Variants in SLC25A3 observed in about 807,000 individuals in gnomAD.
The protein encoded by SLC25A3 is phosphate transport protein.
In SLC25A3, 14 loss-of-function variants were observed where a neutral mutation model predicts 37.1. The observed-to-expected ratio is 0.38, with a 90% CI of 0.25 to 0.59. SLC25A3 has a LOEUF of 0.59. Ranked by LOEUF, SLC25A3 falls within the 20% of genes least tolerant of loss-of-function variation. The probability of loss-of-function intolerance (pLI) is 0.67; values close to 1 mark genes in which losing one functional copy is unlikely to be tolerated. For synonymous variants in SLC25A3, 161 were observed against 168.7 expected (o/e 0.95, Z 0.36); for missense variants, 385 against 458.1 (o/e 0.84, Z 1.46).
intron 4 of SLC25A3, 115 bp downstream of exon 4, chr12:98,598,150 G>T: frequency 2.0e-6 from 2 of 1,010,064 alleles, no homozygotes; most frequent in South Asian, 1.4e-5. Context: ...CCTACAAAGT[G>T]AGCAACTTGT....
At position 98,606,205 on chromosome 12, in the gene SLC25A3, T is replaced by C. The variant is rs2097601125; in HGVS notation, c.*4677T>C. 6.6e-6 allele frequency: 1 copy of C among 152,208 alleles called. No homozygotes were observed. The highest frequency in any genetic ancestry group is 2.4e-5 in the African/African-American group (1 of 41,458). The allele number at this position is 152,208 out of a possible 1,614,324, so 9.4% of individuals were successfully genotyped here. A position where few individuals can be genotyped will look rare whatever the true frequency, so the allele number is the denominator to read the frequency against. ...AAGTAATTGTAAAAAATCCTGGATA[T>C]CACATAGTTGAGAAACAAAGTTATT... On this transcript the variant is annotated 3_prime_UTR_variant, in exon 8 of 8. Transcript: ENST00000552981.
chr12:98,594,565 C>T lies in SLC25A3; in HGVS notation c.157+430C>T, dbSNP rs1470220926. 1.7e-5 allele frequency: 10 copies of T among 583,976 alleles called. No individual in the cohort carries two copies. In the East Asian group the frequency reaches 2.8e-4, roughly 17 times the overall value. 36.2% of individuals were successfully genotyped at this position (583,976 alleles called of 1,614,324 possible). ...GTCCTTTCCTAAGTTTTATATTTGT[C>T]GACGCCAGGTCAGTCATTTTTGCAC... On this transcript the variant is annotated intron_variant, in intron 2 of 7. Coordinates refer to ENST00000552981, the MANE Select transcript of SLC25A3 (RefSeq NM_002635.4).
rs11833846 is a variant in SLC25A3 at position 98,604,578 on chromosome 12, C to T, written c.*3050C>T. ...ACAGCCTTGAACTCCTGGGCTCAAGCGATCCTCCTGCCTCAGCCTCCCAGT... is the reference window on the plus strand; with the variant it reads ...ACAGCCTTGAACTCCTGGGCTCAAGTGATCCTCCTGCCTCAGCCTCCCAGT... On this transcript the variant is annotated 3_prime_UTR_variant, in exon 8 of 8. Transcript: ENST00000552981. The T allele has an allele frequency of 0.029, 4,371 of 151,512 alleles. 203 individuals carry two copies. Among genetic ancestry groups the T allele is most frequent in the African/African-American group, 0.098 (4,032 of 41,170 alleles). The allele number at this position is 151,512 out of a possible 1,614,324, so 9.4% of individuals were successfully genotyped here. A position where few individuals can be genotyped will look rare whatever the true frequency, so the allele number is the denominator to read the frequency against.
chr12:98,604,099 C>G lies in SLC25A3; in HGVS notation c.*2571C>G, dbSNP rs1476205974. On this transcript the variant is annotated 3_prime_UTR_variant, in exon 8 of 8. Coordinates refer to ENST00000552981, the MANE Select transcript of SLC25A3 (RefSeq NM_002635.4). Reference sequence around the variant, plus strand: ...AGAAACCCTGTCTCTACTAAAAATACAAAATTAGCTGCGGTGGTGGTGCGT... The same window carrying G: ...AGAAACCCTGTCTCTACTAAAAATAGAAAATTAGCTGCGGTGGTGGTGCGT... The G allele has an allele frequency of 3.3e-5, 5 of 151,680 alleles. No individual in the cohort carries two copies. Among genetic ancestry groups the G allele is most frequent in the Non-Finnish European group, 5.9e-5 (4 of 67,940 alleles). 9.4% of individuals were successfully genotyped at this position (151,680 alleles called of 1,614,324 possible). A position where few individuals can be genotyped will look rare whatever the true frequency, so the allele number is the denominator to read the frequency against.
chr12:98,600,967 G>A (rs895254575), intron 6 of SLC25A3: 2 of 521,620 alleles, frequency 3.8e-6, no homozygotes, highest in African/African-American at 1.9e-5. Flanking sequence ...TATACAGAAA[G>A]TGTTGAATAA....
At chr12:98,595,304 A>G in intron 2 of SLC25A3, 1 of 988,468 alleles carries the variant, frequency 1.0e-6, no homozygotes, top group East Asian at 2.4e-5. Context: ...TTTTTAAGCC[A>G]CTTAATTGTG....
At position 98,598,563 on chromosome 12, in the gene SLC25A3, C is replaced by T. The variant is rs1352337833; in HGVS notation, c.501C>T (p.Ala167=). 6.2e-7 allele frequency: 1 copy of T among 1,613,576 alleles called. No individual in the cohort carries two copies. The highest frequency in any genetic ancestry group is 2.2e-5 in the East Asian group (1 of 44,880). The change falls in exon 5 of 8, where the codon GCC becomes GCT. Residue 167 remains alanine, a synonymous_variant. Coordinates refer to ENST00000552981, the MANE Select transcript of SLC25A3 (RefSeq NM_002635.4). ...YLWRTSLYLA[A]SASAEFFADI... The stretch of plus-strand genomic sequence containing the variant: ...GGCGCACATCACTATATTTGGCTGC[C>T]TCTGCCAGTGCTGAATTCTTTGCTG...
At chr12:98,593,854 G>GC (rs2097590514) in intron 1 of SLC25A3, 114 bp downstream of exon 1, 7 of 1,158,622 alleles carry the variant, frequency 6.0e-6, no homozygotes, top group Non-Finnish European at 8.8e-6. Flanking sequence ...TTCGAAGGCC[G>GC]CCGTGACCTC....
In SLC25A3 at chr12:98,599,062, C is replaced by CTT. The variant is rs572119358; in HGVS notation, c.641+370_641+371dup. 1.3e-4 allele frequency among the ~76,000 whole-genome samples: 18 copies of CTT among 133,974 alleles called. No individual in the cohort carries two copies. The South Asian group carries it at 2.1e-3, about 16-fold the overall frequency. 87.9% of individuals were successfully genotyped at this position (133,974 alleles called of 152,430 possible). A position where few individuals can be genotyped will look rare whatever the true frequency, so the allele number is the denominator to read the frequency against. On this transcript the variant is annotated intron_variant, in intron 5 of 7. Coordinates refer to ENST00000552981, the MANE Select transcript of SLC25A3 (RefSeq NM_002635.4). ...AGGTGTGAGCCACCGCACCCGGCTT[C>CTT]TTTTTTTTTTTTCTTTGAGACGGAG...
In SLC25A3 at chr12:98,606,267, C is replaced by A. The variant is rs941499864; in HGVS notation, c.*4739C>A. The A allele has an allele frequency of 6.6e-6, 1 of 152,166 alleles. No homozygotes were observed. Among genetic ancestry groups the A allele is most frequent in the Non-Finnish European group, 1.5e-5 (1 of 68,042 alleles). 9.4% of individuals were successfully genotyped at this position (152,166 alleles called of 1,614,324 possible). On this transcript the variant is annotated 3_prime_UTR_variant, in exon 8 of 8. Transcript: ENST00000552981. ...GGACTCTGTAGTTCACAGTTGAACA[C>A]TGTGGCTTCCTGAAATATCAAAGAA...
intron 2 of SLC25A3, chr12:98,594,647 T>C: frequency 2.3e-6 from 1 of 440,714 alleles, no homozygotes; most frequent in Non-Finnish European, 4.2e-6. Context: ...AGGAGGCAGC[T>C]TGCAGCCCTA....
Position 98,601,289 on chromosome 12 carries a change from G to A in SLC25A3, c.925+8G>A, listed in dbSNP as rs2097597617. On this transcript the variant is annotated splice_region_variant and intron_variant, in intron 7 of 7. Transcript: ENST00000552981. ...AGAGACTTGGATTTAAAGGTAGGAT[G>A]ATGTTTTTTTCTTGAAAGAAAGAAC... 1 of 1,614,074 alleles carries A rather than the reference G, an allele frequency of 6.2e-7. No homozygotes were observed. Among genetic ancestry groups the A allele is most frequent in the Non-Finnish European group, 8.5e-7 (1 of 1,179,986 alleles).
At chr12:98,595,509 A>G (rs1244815975) in intron 2 of SLC25A3, 3 of 1,614,028 alleles carry the variant, frequency 1.9e-6, no homozygotes, top group Non-Finnish European at 2.5e-6. Flanking sequence ...GCTGTGGCAC[A>G]ACACATACAG....
In SLC25A3 at chr12:98,601,876, C is replaced by T. The variant is rs1343365003; in HGVS notation, c.*348C>T. 2 of 245,398 alleles carry T rather than the reference C, an allele frequency of 8.2e-6. No homozygotes were observed. The highest frequency in any genetic ancestry group is 2.2e-4 in the East Asian group (2 of 9,174). The allele number at this position is 245,398 out of a possible 1,614,324, so 15.2% of individuals were successfully genotyped here. A position where few individuals can be genotyped will look rare whatever the true frequency, so the allele number is the denominator to read the frequency against. ...AATTGTCATATGTCTCAAGTTTTAT[C>T]ACACAAAGTTCCTGTATTTCTAGGG... On this transcript the variant is annotated 3_prime_UTR_variant, in exon 8 of 8. Transcript: ENST00000552981.
At chr12:98,594,667 T>G (rs945714770) in intron 2 of SLC25A3, 1 of 360,922 alleles carries the variant, frequency 2.8e-6, no homozygotes, top group African/African-American at 2.1e-5. Flanking sequence ...ACATAGGCAA[T>G]AGAAAGGAGA....
chr12:98,600,243 T>C, intron 6 of SLC25A3, 116 bp downstream of exon 6: 1 of 807,490 alleles, frequency 1.2e-6, no homozygotes. Context: ...GTTTTTGTTT[T>C]TTTGGTTTCC....
At chr12:98,601,068 T>C (rs1285994994) in intron 6 of SLC25A3, 103 bp from the exon 7 acceptor site, 26 of 1,359,556 alleles carry the variant, frequency 1.9e-5, no homozygotes, top group Non-Finnish European at 2.4e-5. Context: ...GATTTTTATT[T>C]TAGAACTAGA....
intron 6 of SLC25A3, 49 bp downstream of exon 6, chr12:98,600,176 A>G (rs367929604): frequency 1.2e-5 from 15 of 1,263,292 alleles, no homozygotes; most frequent in Admixed American, 8.4e-5. Flanking sequence ...ACAAATAATC[A>G]TTTCCATTAT....
Position 98,594,051 on chromosome 12 carries a change from G to A in SLC25A3, c.73G>A (p.Gly25Ser). 1 of 1,613,388 alleles carries A rather than the reference G, an allele frequency of 6.2e-7. No individual in the cohort carries two copies. The highest frequency in any genetic ancestry group is 8.5e-7 in the Non-Finnish European group (1 of 1,179,868). The change falls in exon 2 of 8, where the codon GGT becomes AGT. Residue 25 changes from glycine (G) to serine (S), a missense_variant. Gly to Ser is a moderately conservative substitution (Grantham distance 56). This residue lies in a region of SLC25A3 where 109 missense variants were observed against 90.5 expected (regional missense o/e 1.20). Coordinates refer to ENST00000552981, the MANE Select transcript of SLC25A3 (RefSeq NM_002635.4). ...NTPHLQLVHD[G>S]LGDLRSSSPG... ...GCCACATCTGCAGCTGGTGCACGAT[G>A]GTCTCGGGGACCTCCGCAGCAGCTC... is the stretch of plus-strand genomic sequence containing the variant.
Sources: allele counts gnomAD v4.1 joint callset (sites outside exome capture counted in the v4.1 genomes callset), GRCh38; gene constraint gnomAD v4.1.1; regional missense constraint gnomAD v4.1.1; transcripts MANE v1.5; gene names NCBI Gene and HGNC (gene_info 2026-07-23, HGNC 2026-07-21).